HIPK3: variants seen among roughly 807,000 people sequenced by gnomAD.
HIPK3 encodes homeodomain interacting protein kinase 3.
In HIPK3, 47 loss-of-function variants were observed where a neutral mutation model predicts 124.2. The ratio of observed to expected loss-of-function variants is 0.38; its 90% CI spans 0.30 to 0.48. HIPK3 has a LOEUF of 0.48. HIPK3 is among the 20% of genes least tolerant of loss of function. The pLI, the probability that HIPK3 is intolerant of heterozygous loss-of-function variation, is 0.98. For missense variants in HIPK3, 1,286 were observed against 1,454.3 expected (o/e 0.88, Z 1.88); for synonymous variants, 482 against 515.2 (o/e 0.94, Z 0.87).
At chr11:33,301,452 T>C (rs375579332) in intron 2 of HIPK3, among the ~76,000 whole-genome samples, 3 of 152,124 alleles carry the variant, frequency 2.0e-5, no homozygotes, top group African/African-American at 7.2e-5. Context: ...CCTTGTTGAT[T>C]GATTGATTTC....
At chr11:33,296,988 G>A (rs1001210925) in intron 2 of HIPK3, among the ~76,000 whole-genome samples, 2 of 152,106 alleles carry the variant, frequency 1.3e-5, no homozygotes, top group Non-Finnish European at 2.9e-5. Flanking sequence ...AAACAGTCAA[G>A]TGGCGAATAC....
chr11:33,329,153 T>G (rs1429996905), intron 3 of HIPK3, among the ~76,000 whole-genome samples: 4 of 152,204 alleles, frequency 2.6e-5, no homozygotes, highest in African/African-American at 9.6e-5. Context: ...ATTACCTTAT[T>G]AAGCACACTT....
rs774356774 is a variant in HIPK3, at chr11:33,347,612, T to C, written c.2020-17T>C. ...TATAACTTGTTATTTTCTATTGTTT[T>C]GCTTTGCTGCAAGCAGACGTGGTCT... On this transcript the variant is annotated splice_polypyrimidine_tract_variant and intron_variant, in intron 9 of 16. Transcript: ENST00000303296. 5 of 1,609,270 alleles carry C rather than the reference T, an allele frequency of 3.1e-6. No homozygotes were observed. In the East Asian group the frequency reaches 1.1e-4, roughly 36 times the overall value.
chr11:33,321,917 A>G (rs556721080), intron 2 of HIPK3, among the ~76,000 whole-genome samples: 2 of 152,290 alleles, frequency 1.3e-5, no homozygotes, highest in African/African-American at 4.8e-5. Context: ...GGTGATTTTT[A>G]TTATGTGAAA....
intron 1 of HIPK3, among the ~76,000 whole-genome samples, chr11:33,281,133 G>A (rs1268696142): frequency 7.1e-6 from 1 of 141,132 alleles, no homozygotes; most frequent in Non-Finnish European, 1.5e-5. Context: ...GCAGTGGCAC[G>A]ATCTTGGCTC....
At chr11:33,348,109 G>A (rs1372341663) in intron 11 of HIPK3, 57 bp from the exon 12 acceptor site, 2 of 1,605,502 alleles carry the variant, frequency 1.2e-6, no homozygotes, top group Non-Finnish European at 1.7e-6. Context: ...TATTCAAAAT[G>A]ACCTCTTTTA....
chr11:33,291,490 G>A (rs1339699675), intron 2 of HIPK3, among the ~76,000 whole-genome samples: 1 of 152,146 alleles, frequency 6.6e-6, no homozygotes, highest in Non-Finnish European at 1.5e-5. Context: ...AGGGGACAGT[G>A]GCCAGAAATT....
Position 33,279,637 on chromosome 11 carries a change from C to T in HIPK3, c.-2-6776C>T, listed in dbSNP as rs1349879482. Among the ~76,000 whole-genome samples the T allele has an allele frequency of 3.9e-5, 6 of 151,992 alleles. No homozygotes were observed. In the East Asian group the frequency reaches 5.8e-4, roughly 15 times the overall value. ...CAGTTTGGATAGAGTAGTTCAGATG[C>T]GACTTAAAGTTTGTTAGAGGATTGG... On this transcript the variant is annotated intron_variant, in intron 1 of 16. Coordinates refer to ENST00000303296, the MANE Select transcript of HIPK3 (RefSeq NM_005734.5).
intron 2 of HIPK3, among the ~76,000 whole-genome samples, chr11:33,323,769 A>T (rs1411182264): frequency 6.6e-6 from 1 of 152,230 alleles, no homozygotes; most frequent in Admixed American, 6.5e-5. Flanking sequence ...CATGGCAAAA[A>T]ATTAAAAAGG....
At chr11:33,289,564 T>C (rs1467285679) in intron 2 of HIPK3, among the ~76,000 whole-genome samples, 1 of 152,192 alleles carries the variant, frequency 6.6e-6, no homozygotes, top group Non-Finnish European at 1.5e-5. Context: ...ATTTATGAGG[T>C]ATTTGAGATA....
chr11:33,333,346 C>G (rs889606036), intron 3 of HIPK3, among the ~76,000 whole-genome samples: 1 of 152,186 alleles, frequency 6.6e-6, no homozygotes, highest in African/African-American at 2.4e-5. Flanking sequence ...CTATTCTGAT[C>G]TGAGTTTCTG....
chr11:33,307,667 A>T (rs1202584601), intron 2 of HIPK3, among the ~76,000 whole-genome samples: 5 of 151,482 alleles, frequency 3.3e-5, no homozygotes, highest in African/African-American at 1.2e-4. Flanking sequence ...CGGCCTCCCA[A>T]AGTGCTGGGA....
intron 2 of HIPK3, among the ~76,000 whole-genome samples, chr11:33,318,784 AAGTC>A (rs1327711402): frequency 6.6e-6 from 1 of 152,214 alleles, no homozygotes; most frequent in Non-Finnish European, 1.5e-5. Context: ...TAGAAAATAT[AAGTC>A]AGTATTTTCC....
At chr11:33,311,421 C>T (rs1590388151) in intron 2 of HIPK3, among the ~76,000 whole-genome samples, 1 of 152,274 alleles carries the variant, frequency 6.6e-6, no homozygotes, top group East Asian at 1.9e-4. Flanking sequence ...CTCAAGTTGT[C>T]CTTTAACCTT....
chr11:33,348,122 G>C, intron 11 of HIPK3, 44 bp from the exon 12 acceptor site: 1 of 1,609,082 alleles, frequency 6.2e-7, no homozygotes, highest in Non-Finnish European at 8.5e-7. Context: ...CTCTTTTATA[G>C]CTTTGTTACA....
rs1056234654 is a variant in HIPK3 at position 33,356,836 on chromosome 11, G to A, written c.*3268G>A. ...TAAGGACTGGGAAAATTTTATGGAT[G>A]TAATGTCTATTACGGTTTGCGATAG... On this transcript the variant is annotated 3_prime_UTR_variant, in exon 17 of 17. Coordinates refer to ENST00000303296, the MANE Select transcript of HIPK3 (RefSeq NM_005734.5). 6.6e-6 allele frequency: 1 copy of A among 152,064 alleles called. No individual in the cohort carries two copies. Among genetic ancestry groups the A allele is most frequent in the Non-Finnish European group, 1.5e-5 (1 of 67,956 alleles). The allele number at this position is 152,064 out of a possible 1,614,324, so 9.4% of individuals were successfully genotyped here.
At position 33,355,709 on chromosome 11, in the gene HIPK3, G is replaced by A. The variant is rs1462483172; in HGVS notation, c.*2141G>A. On this transcript the variant is annotated 3_prime_UTR_variant, in exon 17 of 17. Transcript: ENST00000303296. ...CCTGAAATTGATTTTAAAAATTACAGTATTAGATCATAAAGTAAAAACCAG... is the reference window on the plus strand; with the variant it reads ...CCTGAAATTGATTTTAAAAATTACAATATTAGATCATAAAGTAAAAACCAG... The A allele has an allele frequency of 6.6e-6, 1 of 151,850 alleles. No individual in the cohort carries two copies. Among genetic ancestry groups the A allele is most frequent in the East Asian group, 1.9e-4 (1 of 5,194 alleles). 9.4% of individuals were successfully genotyped at this position (151,850 alleles called of 1,614,324 possible).
upstream of HIPK3, chr11:33,257,269 G>T (rs1385992450): frequency 1.0e-6 from 1 of 983,436 alleles, no homozygotes; most frequent in African/African-American, 1.8e-5. Flanking sequence ...CGGCCGGAGC[G>T]GAGCGGAGCC....
chr11:33,329,736 C>T (rs1039789034), intron 3 of HIPK3, among the ~76,000 whole-genome samples: 13 of 152,198 alleles, frequency 8.5e-5, no homozygotes, highest in African/African-American at 3.1e-4. Context: ...TGTCTTCTTT[C>T]AGCTTTCTAC....
Sources: allele counts gnomAD v4.1 joint callset (sites outside exome capture counted in the v4.1 genomes callset), GRCh38; gene constraint gnomAD v4.1.1; transcripts MANE v1.5; gene names NCBI Gene and HGNC (gene_info 2026-07-23, HGNC 2026-07-21).